LTN1: variants seen among roughly 807,000 people sequenced by gnomAD.
The protein encoded by LTN1 is E3 ubiquitin-protein ligase listerin.
LTN1 carries 88 observed loss-of-function variants against 201.2 expected under a neutral mutation model. That is an observed-to-expected ratio of 0.44 (90% CI 0.37 to 0.52). The LOEUF (loss-of-function observed/expected upper bound fraction) is 0.52, where lower values mean the gene tolerates loss of function less well. LTN1 is among the 20% of genes least tolerant of loss of function. The pLI is 0.00. For synonymous variants in LTN1, 645 were observed against 713.5 expected (o/e 0.90, Z 1.53); for missense variants, 1,752 against 2,038.7 (o/e 0.86, Z 2.71).
intron 24 of LTN1, among the ~76,000 whole-genome samples, chr21:28,942,983 T>C (rs932391511): frequency 1.3e-5 from 2 of 152,178 alleles, no homozygotes; most frequent in African/African-American, 4.8e-5. Context: ...GCTCAATAGA[T>C]ACTTGAACCG....
chr21:28,942,377 C>T (rs1371099026), intron 24 of LTN1, among the ~76,000 whole-genome samples: 2 of 152,088 alleles, frequency 1.3e-5, no homozygotes, highest in Non-Finnish European at 2.9e-5. Context: ...GTGTCAGAAT[C>T]GGCTGGTGGC....
At chr21:28,969,070 A>T in intron 9 of LTN1, among the ~76,000 whole-genome samples, 1 of 151,918 alleles carries the variant, frequency 6.6e-6, no homozygotes, top group Middle Eastern at 3.4e-3. Flanking sequence ...AAAATACAAA[A>T]ATTAGCTGGG....
chr21:28,971,201 C>A, intron 7 of LTN1, 70 bp downstream of exon 7: 1 of 1,234,666 alleles, frequency 8.1e-7, no homozygotes, highest in Non-Finnish European at 1.1e-6. Flanking sequence ...AGCATTTTCC[C>A]AGTAAGTTTT....
chr21:28,987,661 A>G (rs2084708652), intron 1 of LTN1, among the ~76,000 whole-genome samples: 1 of 152,222 alleles, frequency 6.6e-6, no homozygotes, highest in Non-Finnish European at 1.5e-5. Flanking sequence ...GTAGTCTTCT[A>G]CTAAAAGGAG....
chr21:28,971,563 G>GA (rs1282324048), intron 6 of LTN1, 119 bp from the exon 7 acceptor site: 2 of 844,948 alleles, frequency 2.4e-6, no homozygotes, highest in Non-Finnish European at 3.6e-6. Flanking sequence ...AAAATAGCTA[G>GA]AAAAAATACT....
At chr21:28,949,702 A>G (rs2084368018) in intron 18 of LTN1, among the ~76,000 whole-genome samples, 1 of 152,238 alleles carries the variant, frequency 6.6e-6, no homozygotes, top group South Asian at 2.1e-4. Flanking sequence ...ATAATATCCC[A>G]TTATATGGTT....
chr21:28,966,843 T>C lies in LTN1; in HGVS notation c.1648A>G (p.Lys550Glu), dbSNP rs765668501. The C allele has an allele frequency of 1.2e-6, 2 of 1,611,702 alleles. No homozygotes were observed. Among genetic ancestry groups the C allele is most frequent in the African/African-American group, 2.7e-5 (2 of 74,702 alleles). Residue 550 changes from lysine to glutamate, a missense_variant, in exon 10 of 30, where the codon AAA (lysine) becomes GAA (glutamate). Transcript: ENST00000361371. ...RFADEILESN[K>E]ENEKCVSSEG... Reference sequence around the variant, plus strand: ...GAAGATACACATTTTTCATTCTCTTTATTGCTTTCAAGTATCTCATCAGCA... The same window carrying C: ...GAAGATACACATTTTTCATTCTCTTCATTGCTTTCAAGTATCTCATCAGCA...
rs2084573918 is a variant in LTN1, at chr21:28,971,420, C to T, written c.835G>A (p.Val279Ile). 1 of 1,613,802 alleles carries T rather than the reference C, an allele frequency of 6.2e-7. No individual in the cohort carries two copies. Among genetic ancestry groups the T allele is most frequent in the South Asian group, 1.1e-5 (1 of 91,026 alleles). ...GGAATGCGCTGGCACAATGCAGAGA[C>T]TAACTCAAAATAAGCTGAGCGAATC... ...PQIRSAYFEL[V>I]SALCQRIPQL... The change falls in exon 7 of 30, where the codon GTC becomes ATC. Residue 279 changes from valine (V) to isoleucine (I), a missense_variant. By Grantham distance (29) the Val-to-Ile change is conservative. Transcript: ENST00000361371.
chr21:28,935,466 G>A lies in LTN1; in HGVS notation c.4655-137C>T, dbSNP rs1028519070. 8.1e-6 allele frequency: 5 copies of A among 616,548 alleles called. No individual in the cohort carries two copies. The South Asian group carries it at 1.0e-4, about 13-fold the overall frequency. The allele number at this position is 616,548 out of a possible 1,614,324, so 38.2% of individuals were successfully genotyped here. On this transcript the variant is annotated intron_variant, in intron 26 of 29. Coordinates refer to ENST00000361371, the MANE Select transcript of LTN1 (RefSeq NM_015565.3). ...ATAGCTCATAAAAACAAACATACCA[G>A]AGAAACCAGAACTCTGGAGTATGAG...
chr21:28,986,425 A>T lies in LTN1; in HGVS notation c.247-188T>A, dbSNP rs1278784444. ...GTAGAAACTCTTCAGTTGTTTTTTT[A>T]AAAATAAAACATCTACAAACAAAAA... is the stretch of plus-strand genomic sequence containing the variant. On this transcript the variant is annotated intron_variant, in intron 2 of 29. Transcript: ENST00000361371. The surrounding 1 kb of genome is among the most constrained non-coding windows in gnomAD (Gnocchi z 4.1). 5.9e-6 allele frequency: 4 copies of T among 683,174 alleles called. No homozygotes were observed. Among genetic ancestry groups the T allele is most frequent in the African/African-American group, 5.3e-5 (3 of 56,138 alleles). 42.3% of individuals were successfully genotyped at this position (683,174 alleles called of 1,614,324 possible).
intron 11 of LTN1, among the ~76,000 whole-genome samples, chr21:28,963,043 G>A (rs976011651): frequency 5.9e-5 from 9 of 152,158 alleles, no homozygotes; most frequent in African/African-American, 2.2e-4. Flanking sequence ...AGCAAAGGGT[G>A]GTTCATGAGG....
Position 28,967,177 on chromosome 21 carries a change from C to A in LTN1, c.1314G>T (p.Leu438Phe). 1 of 1,597,328 alleles carries A rather than the reference C, an allele frequency of 6.3e-7. No individual in the cohort carries two copies. The highest frequency in any genetic ancestry group is 1.1e-5 in the South Asian group (1 of 88,632). ...TGAGAACTGCATCAATAAAAGGGAT[C>A]AACTGAAAGAAAAGGTAGAATATCA... ...EIEQMLVNDQLIPFIDAVLKD... is the reference protein window; with the variant it reads ...EIEQMLVNDQFIPFIDAVLKD... The change falls in exon 10 of 30, where the codon TTG becomes TTT. Residue 438 changes from leucine to phenylalanine, a missense_variant and splice_region_variant. This residue lies in a region of LTN1 where 1,211 missense variants were observed against 1,312.8 expected (regional missense o/e 0.92). Coordinates refer to ENST00000361371, the MANE Select transcript of LTN1 (RefSeq NM_015565.3).
At position 28,970,753 on chromosome 21, in the gene LTN1, A is replaced by C; in HGVS notation, c.985-11T>G. ...ATGAAGCCAACAGTCCTAACCAAAC[A>C]AAAGATTATAGTAGTAATTAGAGAT... On this transcript the variant is annotated splice_polypyrimidine_tract_variant and intron_variant, in intron 7 of 29. Coordinates refer to ENST00000361371, the MANE Select transcript of LTN1 (RefSeq NM_015565.3). 2 of 1,597,682 alleles carry C rather than the reference A, an allele frequency of 1.3e-6. No homozygotes were observed. The highest frequency in any genetic ancestry group is 1.7e-6 in the Non-Finnish European group (2 of 1,167,748).
At chr21:28,967,208 T>A in intron 9 of LTN1, 29 bp from the exon 10 acceptor site, 7 of 1,519,370 alleles carry the variant, frequency 4.6e-6, no homozygotes, top group Non-Finnish European at 6.3e-6. Context: ...TATCATAAAA[T>A]ATATATTTGG....
chr21:28,966,215 C>G (rs2084520983), intron 10 of LTN1, among the ~76,000 whole-genome samples, 155 bp downstream of exon 10: 1 of 152,112 alleles, frequency 6.6e-6, no homozygotes, highest in South Asian at 2.1e-4. Flanking sequence ...GAACATCTAC[C>G]CAGCAGCCCT....
intron 1 of LTN1, 132 bp downstream of exon 1, chr21:28,992,632 G>A: frequency 1.1e-6 from 1 of 927,434 alleles, no homozygotes; most frequent in Admixed American, 2.2e-5. Context: ...ACACACAACA[G>A]AGAGGTCACA....
At chr21:28,944,232 A>G in intron 22 of LTN1, 151 bp downstream of exon 22, 1 of 643,130 alleles carries the variant, frequency 1.6e-6, no homozygotes, top group East Asian at 2.7e-5. Context: ...TAAAGCATAG[A>G]TGATGCTTCT....
At chr21:28,939,923 A>G (rs1391169226) in intron 25 of LTN1, among the ~76,000 whole-genome samples, 3 of 152,222 alleles carry the variant, frequency 2.0e-5, no homozygotes, top group South Asian at 2.1e-4. Flanking sequence ...AGCTAGATCA[A>G]TGCTGCTTCT....
chr21:28,940,384 C>T (rs2084287896), intron 25 of LTN1, among the ~76,000 whole-genome samples: 1 of 152,164 alleles, frequency 6.6e-6, no homozygotes, highest in African/African-American at 2.4e-5. Flanking sequence ...ACAGAGACAT[C>T]TAGTGGCTGC....
Sources: allele counts gnomAD v4.1 joint callset (sites outside exome capture counted in the v4.1 genomes callset), GRCh38; gene constraint gnomAD v4.1.1; regional missense constraint gnomAD v4.1.1; non-coding constraint Gnocchi (gnomAD v3.1); transcripts MANE v1.5; gene names NCBI Gene and HGNC (gene_info 2026-07-23, HGNC 2026-07-21).